LDLRAD4: variants seen among roughly 807,000 people sequenced by gnomAD.
LDLRAD4 encodes low-density lipoprotein receptor class A domain-containing protein 4.
LDLRAD4 carries 5 observed loss-of-function variants against 17.0 expected under a neutral mutation model. The ratio of observed to expected loss-of-function variants is 0.29; its 90% CI spans 0.15 to 0.62. The LOEUF (loss-of-function observed/expected upper bound fraction) is 0.62. LDLRAD4 is among the 20% of genes least tolerant of loss of function. The probability of loss-of-function intolerance (pLI) is 0.84; values close to 1 mark genes in which losing one functional copy is unlikely to be tolerated. For missense variants in LDLRAD4, 340 were observed against 424.7 expected, an observed-to-expected ratio of 0.80 and a Z score of 1.75; for synonymous variants, 168 against 171.8, an observed-to-expected ratio of 0.98 and a Z score of 0.17.
intron 3 of LDLRAD4, chr18:13,522,423 T>A (rs961866159): frequency 6.6e-6 from 1 of 152,134 alleles, no homozygotes; most frequent in African/African-American, 2.4e-5. Flanking sequence ...AGAGCATGCC[T>A]TTTACATATC....
chr18:13,457,665 C>T (rs563079300), intron 3 of LDLRAD4, among the ~76,000 whole-genome samples: 25 of 152,280 alleles, frequency 1.6e-4, no homozygotes, highest in African/African-American at 5.8e-4. Flanking sequence ...AGCCAGGTGC[C>T]GTGGAGGAAA....
intron 3 of LDLRAD4, among the ~76,000 whole-genome samples, chr18:13,536,257 C>G (rs1167940546): frequency 6.6e-6 from 1 of 152,186 alleles, no homozygotes; most frequent in Non-Finnish European, 1.5e-5. Flanking sequence ...AATAGTGAAT[C>G]TCGCAATTCA....
rs2094805798 is a variant in LDLRAD4 at position 13,578,456 on chromosome 18, A to G, written c.182-42661A>G. Among the ~76,000 whole-genome samples, 3 of 152,212 alleles carry G rather than the reference A, an allele frequency of 2.0e-5. No homozygotes were observed. In the South Asian group the frequency reaches 6.2e-4, roughly 32 times the overall value. Reference sequence around the variant, plus strand: ...CCCTGGCCAGCACATCATCATTGTCATCGGAACCACCTTCTTTGTAACTGT... The same window carrying G: ...CCCTGGCCAGCACATCATCATTGTCGTCGGAACCACCTTCTTTGTAACTGT... On this transcript the variant is annotated intron_variant, in intron 3 of 5. Transcript: ENST00000359446.
chr18:13,259,573 A>C (rs1454753007), intron 1 of LDLRAD4, among the ~76,000 whole-genome samples: 1 of 152,184 alleles, frequency 6.6e-6, no homozygotes, highest in Non-Finnish European at 1.5e-5. Context: ...AAGAAACCAC[A>C]TGCCTTCAAA....
rs181458464 is a variant in LDLRAD4 at position 13,429,434 on chromosome 18, C to T, written c.41-8810C>T. On this transcript the variant is annotated intron_variant, in intron 2 of 5. Transcript: ENST00000359446. ...CATGTTGGCCTTCTCGTGGGAATGGCCGTGTGGAGCTGTTGTTGATATAAT... is the reference window on the plus strand; with the variant it reads ...CATGTTGGCCTTCTCGTGGGAATGGTCGTGTGGAGCTGTTGTTGATATAAT... 1.6e-3 allele frequency among the ~76,000 whole-genome samples: 250 copies of T among 152,274 alleles called. 1 individual carries two copies. The highest frequency in any genetic ancestry group is 5.9e-3 in the African/African-American group (244 of 41,548).
intron 1 of LDLRAD4, among the ~76,000 whole-genome samples, chr18:13,325,672 C>T (rs777731470): frequency 1.5e-4 from 23 of 152,236 alleles, no homozygotes; most frequent in African/African-American, 4.6e-4. Flanking sequence ...GCTGCGCACC[C>T]GCCCGTCTCG....
At chr18:13,572,222 G>T (rs1373355772) in intron 3 of LDLRAD4, among the ~76,000 whole-genome samples, 1 of 152,208 alleles carries the variant, frequency 6.6e-6, no homozygotes, top group African/African-American at 2.4e-5. Context: ...TACATTGGGG[G>T]TAGTGAAATG....
intron 1 of LDLRAD4, among the ~76,000 whole-genome samples, chr18:13,364,357 A>G (rs926277292): frequency 6.6e-6 from 1 of 152,100 alleles, no homozygotes; most frequent in African/African-American, 2.4e-5. Flanking sequence ...TTTTTAAAAG[A>G]GACAAGGTCT....
At chr18:13,594,413 G>A (rs986582014) in intron 3 of LDLRAD4, among the ~76,000 whole-genome samples, 9 of 152,022 alleles carry the variant, frequency 5.9e-5, no homozygotes, top group African/African-American at 1.2e-4. Flanking sequence ...GTGAGGGGTC[G>A]GGTGTGGTAA....
exon 6 of LDLRAD4, chr18:13,652,637 T>C (rs887557742): frequency 2.0e-5 from 3 of 152,654 alleles, no homozygotes; most frequent in Admixed American, 2.0e-4. Flanking sequence ...GCAATACTTT[T>C]AAAGAAAGAT....
chr18:13,542,269 AT>A (rs1255599094), intron 3 of LDLRAD4: 1 of 152,174 alleles, frequency 6.6e-6, no homozygotes, highest in Non-Finnish European at 1.5e-5. Flanking sequence ...GACAGTAAAT[AT>A]TTGGCTGTTG....
intron 3 of LDLRAD4, among the ~76,000 whole-genome samples, chr18:13,482,072 A>G (rs1174928486): frequency 1.3e-5 from 2 of 151,992 alleles, no homozygotes; most frequent in African/African-American, 4.8e-5. Flanking sequence ...GCCGAGGTGG[A>G]CAGTGGGGAG....
At chr18:13,643,044 T>G (rs1057280410) in intron 4 of LDLRAD4, among the ~76,000 whole-genome samples, 3 of 151,998 alleles carry the variant, frequency 2.0e-5, no homozygotes, top group East Asian at 1.9e-4. Context: ...TAAGCGATTC[T>G]CCTGCCTCAC....
At chr18:13,288,670 C>T (rs1298544626) in intron 1 of LDLRAD4, among the ~76,000 whole-genome samples, 4 of 151,592 alleles carry the variant, frequency 2.6e-5, no homozygotes, top group African/African-American at 9.8e-5. Flanking sequence ...ACGGTAGCAG[C>T]CCCACAGACC....
At chr18:13,329,029 T>G (rs1266641531) in intron 1 of LDLRAD4, among the ~76,000 whole-genome samples, 2 of 152,224 alleles carry the variant, frequency 1.3e-5, no homozygotes, top group Non-Finnish European at 2.9e-5. Context: ...GTTTTACAGT[T>G]GCATAGTTTT....
In LDLRAD4 at chr18:13,610,305, T is replaced by TTTTTTTTTTTTTTTTTTTTTTC. The variant is rs1491536129; in HGVS notation, c.182-10812_182-10811insTTTTTTTTTTTTTTTTTTTTTC. ...TTTTTTTTTTTTTTTTTTTTTTTTTTGAGACGGAGTCTCACTCTGTCGCCC... is the reference window on the plus strand; with the variant it reads ...TTTTTTTTTTTTTTTTTTTTTTTTTTTTTTTTTTTTTTTTTTTTTTTCGAGACGGAGTCTCACTCTGTCGCCC... On this transcript the variant is annotated intron_variant, in intron 3 of 5. Transcript: ENST00000359446. Among the ~76,000 whole-genome samples the TTTTTTTTTTTTTTTTTTTTTTC allele has an allele frequency of 7.8e-4, 19 of 24,362 alleles. 7 individuals are homozygous for TTTTTTTTTTTTTTTTTTTTTTC. Among genetic ancestry groups the TTTTTTTTTTTTTTTTTTTTTTC allele is most frequent in the Admixed American group, 1.4e-3 (3 of 2,206 alleles). The allele number at this position is 24,362 out of a possible 152,430, so 16.0% of individuals were successfully genotyped here. A position where few individuals can be genotyped will look rare whatever the true frequency, so the allele number is the denominator to read the frequency against.
chr18:13,420,301 G>A (rs758495936), intron 2 of LDLRAD4: 2 of 152,210 alleles, frequency 1.3e-5, no homozygotes, highest in Non-Finnish European at 1.5e-5. Flanking sequence ...GTGTTAGATT[G>A]TCCAGAATAT....
At chr18:13,613,405 A>C (rs975239400) in intron 3 of LDLRAD4, 3 of 152,112 alleles carry the variant, frequency 2.0e-5, no homozygotes, top group Non-Finnish European at 2.9e-5. Flanking sequence ...CTAAATTAAT[A>C]ATGTGGAGGT....
At chr18:13,327,782 C>A (rs2081613034) in intron 1 of LDLRAD4, among the ~76,000 whole-genome samples, 1 of 152,158 alleles carries the variant, frequency 6.6e-6, no homozygotes, top group African/African-American at 2.4e-5. Context: ...TCTTTGAGAG[C>A]AGCAGGTCTT....
Sources: gnomAD v4.1 joint callset for allele counts (sites outside exome capture counted in the v4.1 genomes callset) on GRCh38, gnomAD v4.1.1 for gene constraint, MANE v1.5 for transcripts, NCBI Gene and HGNC (gene_info 2026-07-23, HGNC 2026-07-21) for gene names.